Variants in CDH13 observed in about 807,000 individuals in gnomAD.
CDH13 encodes cadherin-13.
In CDH13, 24 loss-of-function variants were observed where a neutral mutation model predicts 63.8. The ratio of observed to expected loss-of-function variants is 0.38; its 90% confidence interval spans 0.27 to 0.53. CDH13 has a LOEUF of 0.53. Among genes scored for constraint, CDH13 ranks in the 20% least tolerant of loss-of-function variants. The pLI is 0.85. For missense variants in CDH13, 1,049 were observed against 903.1 expected (o/e 1.16, Z -2.07); for synonymous variants, 503 against 355.3 (o/e 1.42, Z -4.67).
intron 7 of CDH13, among the ~76,000 whole-genome samples, chr16:83,526,258 A>G (rs558376842): frequency 1.3e-5 from 2 of 152,098 alleles, no homozygotes; most frequent in Admixed American, 1.3e-4. Flanking sequence ...TTTCCTCTTT[A>G]TTCTGAAAAG....
chr16:83,450,013 C>A (rs796078006), intron 6 of CDH13, among the ~76,000 whole-genome samples: 77 of 152,318 alleles, frequency 5.1e-4, no homozygotes, highest in African/African-American at 1.8e-3. Context: ...GTTCCCCCGC[C>A]CCGACCCCGG....
chr16:83,128,163 C>G (rs755616922), intron 4 of CDH13, among the ~76,000 whole-genome samples: 6 of 152,220 alleles, frequency 3.9e-5, no homozygotes, highest in African/African-American at 9.6e-5. Context: ...GGGCTCCACC[C>G]TCAGAGATTG....
At chr16:83,473,393 G>A (rs16960600) in intron 6 of CDH13, among the ~76,000 whole-genome samples, 3,825 of 152,254 alleles carry the variant, frequency 0.025, 166 homozygotes, top group African/African-American at 0.087. Context: ...CGTTGAACAC[G>A]GAGTCTGAAT....
At chr16:82,659,298 A>G (rs911326820) in intron 1 of CDH13, among the ~76,000 whole-genome samples, 6 of 151,596 alleles carry the variant, frequency 4.0e-5, no homozygotes, top group Non-Finnish European at 8.9e-5. Context: ...CCTCAAAGGT[A>G]GAAACACGTA....
chr16:83,706,014 C>G (rs1487322693), intron 10 of CDH13, among the ~76,000 whole-genome samples: 2 of 152,176 alleles, frequency 1.3e-5, no homozygotes, highest in Non-Finnish European at 2.9e-5. Context: ...TTTCGTGTCT[C>G]TGTGGTTTTA....
intron 11 of CDH13, among the ~76,000 whole-genome samples, chr16:83,755,217 G>C (rs1440150843): frequency 6.6e-6 from 1 of 152,090 alleles, no homozygotes; most frequent in African/African-American, 2.4e-5. Flanking sequence ...TCAGTAAGTA[G>C]ACTTAACAGC....
chr16:82,786,593 T>C (rs979168584), intron 1 of CDH13, among the ~76,000 whole-genome samples: 5 of 151,934 alleles, frequency 3.3e-5, no homozygotes, highest in Non-Finnish European at 5.9e-5. Context: ...GCCATGTTGG[T>C]GTGCTGCACC....
At chr16:83,716,041 C>T (rs1392406599) in intron 10 of CDH13, among the ~76,000 whole-genome samples, 1 of 152,122 alleles carries the variant, frequency 6.6e-6, no homozygotes, top group African/African-American at 2.4e-5. Flanking sequence ...TTCCATTTTG[C>T]TGAGTTCATT....
At chr16:83,395,121 C>G (rs1478098544) in intron 6 of CDH13, among the ~76,000 whole-genome samples, 6 of 140,832 alleles carry the variant, frequency 4.3e-5, no homozygotes, top group East Asian at 4.2e-4. Flanking sequence ...GCACTCCAGC[C>G]TGGACGACAG....
chr16:82,702,209 G>A lies in CDH13; in HGVS notation c.45+75072G>A, dbSNP rs747420228. Reference sequence around the variant, plus strand: ...CACCCTCTGTGGCTGTTGCAGATGTGTTCACTCTGTAAACGCAGCTCAAAT... The same window carrying A: ...CACCCTCTGTGGCTGTTGCAGATGTATTCACTCTGTAAACGCAGCTCAAAT... On this transcript the variant is annotated intron_variant, in intron 1 of 13. Coordinates refer to ENST00000567109, the MANE Select transcript of CDH13 (RefSeq NM_001257.5). Among the ~76,000 whole-genome samples, 4 of 152,210 alleles carry A rather than the reference G, an allele frequency of 2.6e-5. No individual in the cohort carries two copies. In the South Asian group the frequency reaches 6.2e-4, roughly 24 times the overall value.
At chr16:83,532,006 C>A (rs1432022730) in intron 7 of CDH13, among the ~76,000 whole-genome samples, 1 of 152,076 alleles carries the variant, frequency 6.6e-6, no homozygotes, top group East Asian at 1.9e-4. Context: ...GTAATTGAAT[C>A]ATGGGGGCAG....
intron 10 of CDH13, among the ~76,000 whole-genome samples, chr16:83,697,713 T>G (rs767718658): frequency 2.0e-5 from 3 of 152,188 alleles, no homozygotes; most frequent in Non-Finnish European, 2.9e-5. Context: ...AGTGGTGCAA[T>G]CTCGGCTCAC....
chr16:83,366,858 C>G (rs1302309637), intron 6 of CDH13, among the ~76,000 whole-genome samples: 3 of 152,130 alleles, frequency 2.0e-5, no homozygotes, highest in African/African-American at 7.2e-5. Context: ...CTTGATTTAT[C>G]ACATACTGTG....
intron 1 of CDH13, among the ~76,000 whole-genome samples, chr16:82,785,941 G>C (rs181121718): frequency 1.6e-3 from 251 of 152,302 alleles, no homozygotes; most frequent in Non-Finnish European, 3.1e-3. Flanking sequence ...TGATGCACGT[G>C]GCCCCTGCTA....
intron 10 of CDH13, among the ~76,000 whole-genome samples, chr16:83,688,111 G>A (rs1904494193): frequency 6.6e-6 from 1 of 152,138 alleles, no homozygotes; most frequent in South Asian, 2.1e-4. Context: ...CATTTTTACT[G>A]GTCTTCCCAT....
At chr16:83,240,005 A>G (rs1025520077) in intron 5 of CDH13, among the ~76,000 whole-genome samples, 3 of 152,192 alleles carry the variant, frequency 2.0e-5, no homozygotes, top group Non-Finnish European at 4.4e-5. Flanking sequence ...CTGTAAAGAG[A>G]GAAAGCCCCA....
At chr16:83,620,368 C>T (rs550441144) in intron 8 of CDH13, among the ~76,000 whole-genome samples, 140 of 131,260 alleles carry the variant, frequency 1.1e-3, no homozygotes, top group African/African-American at 3.8e-3. Context: ...TACAACCTGT[C>T]GACAGAGCGA....
intron 5 of CDH13, among the ~76,000 whole-genome samples, chr16:83,325,139 C>G (rs2090331673): frequency 1.3e-5 from 2 of 152,194 alleles, no homozygotes; most frequent in Admixed American, 6.5e-5. Flanking sequence ...TTCATAAGTT[C>G]TTAAGTGATT....
intron 1 of CDH13, among the ~76,000 whole-genome samples, chr16:82,842,136 A>G (rs1597771869): frequency 2.1e-5 from 1 of 46,930 alleles, no homozygotes; most frequent in African/African-American, 7.3e-5. Context: ...ATATATATAT[A>G]TACACATATA....
Sources: gnomAD v4.1 joint callset for allele counts (sites outside exome capture counted in the v4.1 genomes callset) on GRCh38, gnomAD v4.1.1 for gene constraint, MANE v1.5 for transcripts, NCBI Gene and HGNC (gene_info 2026-07-23, HGNC 2026-07-21) for gene names.